The following EVI2B variants were observed in gnomAD, a reference collection of about 807,000 sequenced individuals.
EVI2B encodes the protein protein EVI2B.
Under a neutral mutation model 6.6 loss-of-function variants are expected in EVI2B, and 4 were observed. That is an observed-to-expected ratio of 0.61 (90% confidence interval 0.30 to 1.39). The LOEUF is 1.39. Among genes scored for constraint, EVI2B ranks in the 40% most tolerant of loss-of-function variants. The pLI, the probability that EVI2B is intolerant of heterozygous loss-of-function variation, is 0.08. For synonymous variants in EVI2B, 181 were observed against 186.8 expected (o/e 0.97, Z 0.25); for missense variants, 484 against 516.6 (o/e 0.94, Z 0.61).
In EVI2B at chr17:31,305,389, G is replaced by A; in HGVS notation, c.221C>T (p.Ala74Val). 6.2e-7 allele frequency: 1 copy of A among 1,614,172 alleles called. No homozygotes were observed. Among genetic ancestry groups the A allele is most frequent in the Non-Finnish European group, 8.5e-7 (1 of 1,180,030 alleles). ...TGTTGGTTGTCCAGCAGTGACTTTGGCAGGTGATATTGATTGTCCAGAAAA... is the reference window on the plus strand; with the variant it reads ...TGTTGGTTGTCCAGCAGTGACTTTGACAGGTGATATTGATTGTCCAGAAAA... ...DTFSGQSISP[A>V]KVTAGQPTPA... Residue 74 changes from alanine to valine, a missense_variant, in exon 2 of 2, where the codon GCC becomes GTC. Transcript: ENST00000330927.
At chr17:31,307,793 A>G in intron 1 of EVI2B, 2 of 855,682 alleles carry the variant, frequency 2.3e-6, no homozygotes, top group Admixed American at 4.9e-5. Flanking sequence ...ATTGGTATAC[A>G]TGATTAGAAA....
chr17:31,305,217 G>T lies in EVI2B; in HGVS notation c.393C>A (p.Ala131=). ...TTGGTGGTTGTGTGGTAGAAGTACG[G>T]GCAGATGGTAGTTGTCTGGCAGAGG... is the stretch of plus-strand genomic sequence containing the variant. ...VFTSARQLPS[A]RTSTTQPPKS... Residue 131 remains alanine, a synonymous_variant, in exon 2 of 2, where the codon GCC becomes GCA. Coordinates refer to ENST00000330927, the MANE Select transcript of EVI2B (RefSeq NM_006495.4). The T allele has an allele frequency of 6.2e-7, 1 of 1,614,144 alleles. No individual in the cohort carries two copies. The highest frequency in any genetic ancestry group is 8.5e-7 in the Non-Finnish European group (1 of 1,180,024).
chr17:31,308,005 A>G (rs1597804850), intron 1 of EVI2B: 2 of 992,560 alleles, frequency 2.0e-6, no homozygotes, highest in East Asian at 6.0e-5. Flanking sequence ...CCCTATACGA[A>G]TAATTCAAGC....
At chr17:31,307,795 G>T (rs1330700847) in intron 1 of EVI2B, 4 of 880,712 alleles carry the variant, frequency 4.5e-6, no homozygotes, top group Non-Finnish European at 6.4e-6. Context: ...TGGTATACAT[G>T]ATTAGAAACT....
intron 1 of EVI2B, among the ~76,000 whole-genome samples, chr17:31,307,192 T>G (rs1326849064): frequency 6.6e-6 from 1 of 151,578 alleles, no homozygotes; most frequent in Non-Finnish European, 1.5e-5. Flanking sequence ...TGGCCTATTT[T>G]TGTATTTTTA....
At chr17:31,310,600 T>C (rs902445496) in intron 1 of EVI2B, among the ~76,000 whole-genome samples, 1 of 152,254 alleles carries the variant, frequency 6.6e-6, no homozygotes, top group Non-Finnish European at 1.5e-5. Context: ...CATTTCAGGC[T>C]CTCCTGTCTG....
At chr17:31,311,544 A>G (rs899810985) in intron 1 of EVI2B, among the ~76,000 whole-genome samples, 4 of 152,208 alleles carry the variant, frequency 2.6e-5, no homozygotes, top group Non-Finnish European at 4.4e-5. Context: ...CATCTTGAGG[A>G]AAAGTGGAAA....
chr17:31,307,412 C>T (rs2068754022), intron 1 of EVI2B, among the ~76,000 whole-genome samples: 5 of 152,194 alleles, frequency 3.3e-5, no homozygotes. Flanking sequence ...TGAAGTAAAG[C>T]TTGAACTGAA....
Position 31,304,049 on chromosome 17 carries a change from T to C in EVI2B, c.*214A>G. On this transcript the variant is annotated 3_prime_UTR_variant, in exon 2 of 2. Transcript: ENST00000330927. ...TACATATGTAAAATGTACTATACTT[T>C]AAAGATAGGTACTATAATTAGTAAA... The C allele has an allele frequency of 2.2e-6, 1 of 452,238 alleles. No individual in the cohort carries two copies. The highest frequency in any genetic ancestry group is 3.9e-6 in the Non-Finnish European group (1 of 257,614). The allele number at this position is 452,238 out of a possible 1,614,324, so 28.0% of individuals were successfully genotyped here. A position where few individuals can be genotyped will look rare whatever the true frequency, so the allele number is the denominator to read the frequency against.
chr17:31,306,487 A>G (rs2068724603), intron 1 of EVI2B, among the ~76,000 whole-genome samples: 1 of 152,102 alleles, frequency 6.6e-6, no homozygotes, highest in African/African-American at 2.4e-5. Context: ...TTACCCTCAC[A>G]ACTGACAACT....
chr17:31,305,774 CTAA>C (rs2068703516), intron 1 of EVI2B, 144 bp from the exon 2 acceptor site: 1 of 711,240 alleles, frequency 1.4e-6, no homozygotes, highest in East Asian at 2.7e-5. Flanking sequence ...GTTATTATTC[CTAA>C]TTTAGACTTG....
chr17:31,311,243 G>A (rs562902691), intron 1 of EVI2B, among the ~76,000 whole-genome samples: 2 of 152,120 alleles, frequency 1.3e-5, no homozygotes, highest in East Asian at 1.9e-4. Flanking sequence ...ATGAGCCACC[G>A]AGCCCGGCCA....
intron 1 of EVI2B, among the ~76,000 whole-genome samples, chr17:31,308,439 C>T (rs1036498130): frequency 6.6e-6 from 1 of 152,132 alleles, no homozygotes; most frequent in African/African-American, 2.4e-5. Flanking sequence ...CCACGCCTGG[C>T]CTGTTAAGAT....
At chr17:31,313,588 C>G (rs1393908542) in intron 1 of EVI2B, among the ~76,000 whole-genome samples, 1 of 151,680 alleles carries the variant, frequency 6.6e-6, no homozygotes, top group Non-Finnish European at 1.5e-5. Context: ...CGCCTGTAAT[C>G]CGAGCTACTT....
chr17:31,310,421 T>G, intron 1 of EVI2B, among the ~76,000 whole-genome samples: 1 of 144,496 alleles, frequency 6.9e-6, no homozygotes. Context: ...GTAGGCAAAA[T>G]GAAGTTGGGG....
chr17:31,306,972 A>G (rs1328496724), intron 1 of EVI2B, among the ~76,000 whole-genome samples: 1 of 152,098 alleles, frequency 6.6e-6, no homozygotes. Flanking sequence ...CCACATAGTA[A>G]GATCCCATCT....
chr17:31,306,106 C>T (rs548638270), intron 1 of EVI2B, among the ~76,000 whole-genome samples: 6 of 152,282 alleles, frequency 3.9e-5, no homozygotes, highest in Non-Finnish European at 7.3e-5. Flanking sequence ...TCTCTCCCCT[C>T]CCCTCCTTGA....
intron 1 of EVI2B, among the ~76,000 whole-genome samples, chr17:31,311,306 A>T (rs1400545723): frequency 6.6e-6 from 1 of 152,156 alleles, no homozygotes; most frequent in Non-Finnish European, 1.5e-5. Flanking sequence ...TCCAGCATTT[A>T]AAATTGATGC....
rs1196183368 is a variant in EVI2B, at chr17:31,304,316, A to G, written c.1294T>C (p.Ser432Pro). The change falls in exon 2 of 2, where the codon TCT becomes CCT. Residue 432 changes from serine to proline, a missense_variant. Coordinates refer to ENST00000330927, the MANE Select transcript of EVI2B (RefSeq NM_006495.4). Reference protein sequence around the residue: ...QCQEFSIPPNSDQDLNESLPP... With the variant: ...QCQEFSIPPNPDQDLNESLPP... ...AGGGATTCATTAAGATCTTGATCAG[A>G]GTTGGGAGGAATAGAGAACTCCTGA... is the stretch of plus-strand genomic sequence containing the variant. The G allele has an allele frequency of 1.2e-6, 2 of 1,614,102 alleles. No homozygotes were observed. Among genetic ancestry groups the G allele is most frequent in the Non-Finnish European group, 1.7e-6 (2 of 1,179,982 alleles).
Sources: gnomAD v4.1 joint callset for allele counts (sites outside exome capture counted in the v4.1 genomes callset) on GRCh38, gnomAD v4.1.1 for gene constraint, MANE v1.5 for transcripts, NCBI Gene and HGNC (gene_info 2026-07-23, HGNC 2026-07-21) for gene names.